The following ZNF507 variants were observed in gnomAD, a reference collection of about 807,000 sequenced individuals.
ZNF507 encodes zinc finger protein 507.
In ZNF507, 29 loss-of-function variants were observed where a neutral mutation model predicts 80.0. The ratio of observed to expected loss-of-function variants is 0.36; its 90% confidence interval spans 0.27 to 0.49. The LOEUF (loss-of-function observed/expected upper bound fraction) is 0.49, where lower values mean the gene tolerates loss of function less well. Among genes scored for constraint, ZNF507 ranks in the 20% least tolerant of loss-of-function variants. ZNF507 has a pLI of 0.98. For synonymous variants in ZNF507, 462 were observed against 422.5 expected (o/e 1.09, Z -1.15); for missense variants, 1,081 against 1,152.2 (o/e 0.94, Z 0.90).
At chr19:32,349,373 T>TACCTCTCCA (rs1446939962) in intron 2 of ZNF507, among the ~76,000 whole-genome samples, 167 of 152,324 alleles carry the variant, frequency 1.1e-3, no homozygotes, top group Non-Finnish European at 8.7e-4. Flanking sequence ...TGCCCATCCT[T>TACCTCTCCA]TGGGAACCAG....
chr19:32,387,166 A>G lies in ZNF507; in HGVS notation c.*4083A>G, dbSNP rs1297111660. 1.3e-5 allele frequency: 2 copies of G among 152,240 alleles called. No individual in the cohort carries two copies. The highest frequency in any genetic ancestry group is 2.9e-5 in the Non-Finnish European group (2 of 68,042). The allele number at this position is 152,240 out of a possible 1,614,324, so 9.4% of individuals were successfully genotyped here. A position where few individuals can be genotyped will look rare whatever the true frequency, so the allele number is the denominator to read the frequency against. ...ATGCTTTCAATTCTGATATAGTCAA[A>G]GTGCTAAAGACTAGTTCTGCTATTG... On this transcript the variant is annotated 3_prime_UTR_variant, in exon 7 of 7. Transcript: ENST00000355898.
chr19:32,381,635 A>C (rs548121014), intron 5 of ZNF507, among the ~76,000 whole-genome samples: 22 of 152,160 alleles, frequency 1.4e-4, no homozygotes, highest in East Asian at 5.8e-4. Flanking sequence ...ACAACAACAA[A>C]AAACCCCACA....
intron 4 of ZNF507, chr19:32,357,735 C>G (rs1411703529): frequency 1.3e-5 from 2 of 152,100 alleles, no homozygotes; most frequent in Non-Finnish European, 2.9e-5. Flanking sequence ...TACAAAATAG[C>G]CCTAAATGCC....
intron 5 of ZNF507, among the ~76,000 whole-genome samples, chr19:32,378,047 A>G (rs1176105597): frequency 2.0e-5 from 3 of 152,118 alleles, no homozygotes; most frequent in Non-Finnish European, 4.4e-5. Flanking sequence ...AGATCTGTCA[A>G]GGGCATTAAA....
intron 5 of ZNF507, among the ~76,000 whole-genome samples, chr19:32,378,698 T>C (rs1404959704): frequency 6.6e-6 from 1 of 151,974 alleles, no homozygotes; most frequent in East Asian, 1.9e-4. Context: ...CTCTTATTTT[T>C]AAAAGGTTGG....
At chr19:32,378,129 G>A (rs541888259) in intron 5 of ZNF507, among the ~76,000 whole-genome samples, 7 of 152,182 alleles carry the variant, frequency 4.6e-5, no homozygotes, top group South Asian at 4.1e-4. Context: ...TGAGGCAGGC[G>A]ATCACCTGAG....
chr19:32,351,366 A>C (rs768909732), intron 2 of ZNF507, among the ~76,000 whole-genome samples: 20 of 148,702 alleles, frequency 1.3e-4, no homozygotes, highest in Non-Finnish European at 2.7e-4. Flanking sequence ...TCAGGAAGAA[A>C]AGCCATAGCT....
intron 5 of ZNF507, among the ~76,000 whole-genome samples, chr19:32,363,830 AC>A (rs970639618): frequency 1.3e-5 from 2 of 152,170 alleles, no homozygotes; most frequent in African/African-American, 4.8e-5. Context: ...AGCTCATTTT[AC>A]AAAAGAGATG....
intron 5 of ZNF507, among the ~76,000 whole-genome samples, chr19:32,372,554 G>A (rs868077911): frequency 3.3e-5 from 5 of 151,964 alleles, no homozygotes; most frequent in Admixed American, 6.6e-5. Context: ...TCTGGTGAAG[G>A]TTTTTGTGCT....
rs147284156 is a variant in ZNF507, at chr19:32,353,741, C to T, written c.911C>T (p.Ala304Val). ...SAAAAPGGVD[A>V]VVIAIGESEL... ...GCTGCTGCGCCTGGTGGGGTCGATG[C>T]AGTCGTCATTGCTATTGGAGAGAGT... The change falls in exon 3 of 7, where the codon GCA becomes GTA. Residue 304 changes from alanine to valine, a missense_variant. Around this residue, in one of 6 missense-constraint regions of ZNF507, gnomAD observed 614 missense variants for 583.9 expected, o/e 1.05. Coordinates refer to ENST00000355898, the MANE Select transcript of ZNF507 (RefSeq NM_001136156.2). 77 of 1,614,044 alleles carry T rather than the reference C, an allele frequency of 4.8e-5. No individual in the cohort carries two copies. The highest frequency in any genetic ancestry group is 6.3e-5 in the Non-Finnish European group (74 of 1,180,034).
In ZNF507 at chr19:32,353,503, A is replaced by G. The variant is rs1031687529; in HGVS notation, c.673A>G (p.Thr225Ala). The G allele has an allele frequency of 1.9e-6, 3 of 1,614,096 alleles. No individual in the cohort carries two copies. The highest frequency in any genetic ancestry group is 1.6e-4 in the Middle Eastern group (1 of 6,084). ...PVSVDNLQTH[T>A]VQTASVAEMG... ...AAGTGTGGACAATCTACAGACTCAT[A>G]CTGTCCAAACTGCATCTGTGGCAGA... is the stretch of plus-strand genomic sequence containing the variant. The change falls in exon 3 of 7, where the codon ACT (threonine) becomes GCT (alanine). Residue 225 changes from threonine (T) to alanine (A), a missense_variant. Thr to Ala is a moderately conservative substitution (Grantham distance 58, BLOSUM62 0). Coordinates refer to ENST00000355898, the MANE Select transcript of ZNF507 (RefSeq NM_001136156.2).
Position 32,370,033 on chromosome 19 carries a change from T to C in ZNF507, c.2360+9415T>C, listed in dbSNP as rs752502811. 1.5e-4 allele frequency among the ~76,000 whole-genome samples: 23 copies of C among 152,236 alleles called. 1 individual carries two copies. Among genetic ancestry groups the C allele is most frequent in the Non-Finnish European group, 2.8e-4 (19 of 68,044 alleles). On this transcript the variant is annotated intron_variant, in intron 5 of 6. Transcript: ENST00000355898. ...TGTTAGCATGAGGCCTCCAGGGCCA[T>C]CCATGTTGTGGCAAAAGGCAGGCTC...
At chr19:32,373,739 T>C (rs1007273127) in intron 5 of ZNF507, among the ~76,000 whole-genome samples, 4 of 152,276 alleles carry the variant, frequency 2.6e-5, no homozygotes, top group African/African-American at 9.6e-5. Context: ...TTATTTGTTC[T>C]AGAATTCATT....
chr19:32,373,679 C>T (rs1032559705), intron 5 of ZNF507, among the ~76,000 whole-genome samples: 2 of 152,214 alleles, frequency 1.3e-5, no homozygotes, highest in Admixed American at 1.3e-4. Flanking sequence ...GGCTGCATAT[C>T]CCAAGTTTTC....
intron 4 of ZNF507, 143 bp downstream of exon 4, chr19:32,356,876 C>T (rs1037036661): frequency 1.4e-5 from 9 of 663,910 alleles, no homozygotes; most frequent in Non-Finnish European, 2.2e-5. Context: ...AATCTGATCT[C>T]TGTTTCTGAG....
rs756312089 is a variant in ZNF507, at chr19:32,382,434, G to A, written c.2361-33G>A. 61 of 1,609,320 alleles carry A rather than the reference G, an allele frequency of 3.8e-5. No homozygotes were observed. The East Asian group carries it at 1.0e-3, about 27-fold the overall frequency. On this transcript the variant is annotated intron_variant, in intron 5 of 6. Transcript: ENST00000355898. The stretch of plus-strand genomic sequence containing the variant: ...AATTTTTCACTGATGTTATGGGACC[G>A]TTCTGATTTTCCCTTGCCTGCCTGT...
rs375205948 is a variant in ZNF507 at position 32,356,723 on chromosome 19, T to G, written c.2235T>G (p.Cys745Trp). The G allele has an allele frequency of 1.2e-5, 20 of 1,613,374 alleles. No homozygotes were observed. In the Admixed American group the frequency reaches 2.0e-4, roughly 16 times the overall value. The part of the protein sequence containing the change: ...RISSDTADGK[C>W]VQEGNKSSVQ... Reference sequence around the variant, plus strand: ...CCAGTGATACAGCTGATGGAAAATGTGTCCAGGAAGGTATCTATGTATTTT... The same window carrying G: ...CCAGTGATACAGCTGATGGAAAATGGGTCCAGGAAGGTATCTATGTATTTT... Residue 745 changes from cysteine to tryptophan, a missense_variant, in exon 4 of 7, where the codon TGT becomes TGG. Physicochemically the swap from Cys to Trp is radical, Grantham distance 215 (BLOSUM62 -2). Coordinates refer to ENST00000355898, the MANE Select transcript of ZNF507 (RefSeq NM_001136156.2).
At position 32,382,917 on chromosome 19, in the gene ZNF507, T is replaced by C. The variant is rs754542502; in HGVS notation, c.2696T>C (p.Leu899Pro). 2 of 1,614,160 alleles carry C rather than the reference T, an allele frequency of 1.2e-6. No homozygotes were observed. The highest frequency in any genetic ancestry group is 2.2e-5 in the East Asian group (1 of 44,876). The change falls in exon 7 of 7, where the codon CTG becomes CCG. Residue 899 changes from leucine to proline, a missense_variant. By Grantham distance (98) the Leu-to-Pro change is moderately conservative. Around this residue, in one of 6 missense-constraint regions of ZNF507, gnomAD observed 138 missense variants for 158.4 expected, o/e 0.87. Transcript: ENST00000355898. ...TATAGTTTAGAAAAAATCTCCAGTC[T>C]GGCCCCTCCTAGCATGGAGTACTGC... ...TSYSLEKISS[L>P]APPSMEYCVL...
chr19:32,383,698 A>C lies in ZNF507; in HGVS notation c.*615A>C, dbSNP rs900692286. 2 of 152,256 alleles carry C rather than the reference A, an allele frequency of 1.3e-5. No individual in the cohort carries two copies. The highest frequency in any genetic ancestry group is 2.9e-5 in the Non-Finnish European group (2 of 68,062). 9.4% of individuals were successfully genotyped at this position (152,256 alleles called of 1,614,324 possible). ...TTAAAAAAGAAAGGAAAGATCTCTA[A>C]ATTCAAAGCTAGATTGTAAATAGGC... On this transcript the variant is annotated 3_prime_UTR_variant, in exon 7 of 7. Transcript: ENST00000355898.
Sources: gnomAD v4.1 joint callset for allele counts (sites outside exome capture counted in the v4.1 genomes callset) on GRCh38, gnomAD v4.1.1 for gene constraint, gnomAD v4.1.1 regional missense constraint, MANE v1.5 for transcripts, NCBI Gene and HGNC (gene_info 2026-07-23, HGNC 2026-07-21) for gene names.